CAMKMT: variants seen among roughly 807,000 people sequenced by gnomAD.
CAMKMT encodes the protein calmodulin-lysine N-methyltransferase, also known as CaM KMT.
Under a neutral mutation model 48.0 loss-of-function variants are expected in CAMKMT, and 53 were observed. The ratio of observed to expected loss-of-function variants is 1.10; its 90% confidence interval spans 0.89 to 1.39. CAMKMT has a LOEUF of 1.39. CAMKMT is among the 40% of genes most tolerant of loss of function. The pLI is 0.00. For missense variants in CAMKMT, 428 were observed against 402.7 expected, an observed-to-expected ratio of 1.06 and a Z score of -0.54; for synonymous variants, 165 against 152.3, an observed-to-expected ratio of 1.08 and a Z score of -0.61.
intron 7 of CAMKMT, among the ~76,000 whole-genome samples, chr2:44,739,283 G>C (rs1679532529): frequency 6.6e-6 from 1 of 152,154 alleles, no homozygotes; most frequent in African/African-American, 2.4e-5. Context: ...GTTTAGACTG[G>C]GGAGAGCAGT....
At chr2:44,422,857 G>C (rs1375738435) in intron 3 of CAMKMT, among the ~76,000 whole-genome samples, 1 of 152,100 alleles carries the variant, frequency 6.6e-6, no homozygotes. Flanking sequence ...TTTTGATGAA[G>C]AGATACATAG....
At chr2:44,746,109 C>A (rs571380412) in intron 8 of CAMKMT, among the ~76,000 whole-genome samples, 5 of 152,346 alleles carry the variant, frequency 3.3e-5, no homozygotes, top group African/African-American at 1.2e-4. Context: ...TTAAGTCTCA[C>A]ACCATCCTTT....
intron 3 of CAMKMT, among the ~76,000 whole-genome samples, chr2:44,410,261 T>A (rs866454685): frequency 0.08 from 1,118 of 13,964 alleles, 224 homozygotes; most frequent in South Asian, 0.22. Flanking sequence ...TTTTTTTTTT[T>A]TTTTTTTTTT....
intron 3 of CAMKMT, among the ~76,000 whole-genome samples, chr2:44,553,137 C>T (rs1325029007): frequency 2.0e-5 from 3 of 152,150 alleles, no homozygotes; most frequent in Admixed American, 2.0e-4. Flanking sequence ...ACATCTTCAG[C>T]AAGTAGTAGA....
At position 44,406,807 on chromosome 2, in the gene CAMKMT, C is replaced by A. The variant is rs867735179; in HGVS notation, c.376+16502C>A. ...AGGAACGAGGTTTCTCCATGTTGCC[C>A]AGCCAGGCTGGTCTAGAACTCCTGG... On this transcript the variant is annotated intron_variant, in intron 3 of 10. Transcript: ENST00000378494. Among the ~76,000 whole-genome samples the A allele has an allele frequency of 7.9e-5, 12 of 152,248 alleles. 1 individual carries two copies. In the Middle Eastern group the frequency reaches 0.01, roughly 129 times the overall value.
intron 2 of CAMKMT, among the ~76,000 whole-genome samples, chr2:44,379,480 A>C (rs1680026060): frequency 6.6e-6 from 1 of 152,196 alleles, no homozygotes; most frequent in Non-Finnish European, 1.5e-5. Context: ...TTTTTGAGGA[A>C]TAGCCAACTA....
At chr2:44,415,258 A>T (rs1279994979) in intron 3 of CAMKMT, among the ~76,000 whole-genome samples, 1 of 152,268 alleles carries the variant, frequency 6.6e-6, no homozygotes, top group African/African-American at 2.4e-5. Flanking sequence ...AAAAGATTTC[A>T]TCAAGTAGGT....
At chr2:44,362,736 C>G (rs1439812843) in intron 1 of CAMKMT, among the ~76,000 whole-genome samples, 2 of 152,166 alleles carry the variant, frequency 1.3e-5, no homozygotes, top group African/African-American at 4.8e-5. Context: ...TAGTGATCAG[C>G]GAGATTCTCC....
At chr2:44,451,207 T>C (rs1389605137) in intron 3 of CAMKMT, among the ~76,000 whole-genome samples, 2 of 152,100 alleles carry the variant, frequency 1.3e-5, no homozygotes, top group Non-Finnish European at 2.9e-5. Flanking sequence ...ACACATTTAG[T>C]TCCTAAAGAA....
At position 44,603,371 on chromosome 2, in the gene CAMKMT, A is replaced by G. The variant is rs907976339; in HGVS notation, c.377-100912A>G. Among the ~76,000 whole-genome samples the G allele has an allele frequency of 6.6e-5, 10 of 152,274 alleles. No individual in the cohort carries two copies. The East Asian group carries it at 1.7e-3, about 26-fold the overall frequency. On this transcript the variant is annotated intron_variant, in intron 3 of 10. Transcript: ENST00000378494. The stretch of plus-strand genomic sequence containing the variant: ...CTCCCAAAGTGCTGAGATTACAGGC[A>G]TGAGCCACCAACTGGACCCCCAACC...
chr2:44,380,742 T>C (rs543774214), intron 2 of CAMKMT, among the ~76,000 whole-genome samples: 1 of 152,362 alleles, frequency 6.6e-6, no homozygotes, highest in Admixed American at 6.5e-5. Context: ...TTTTAAACCC[T>C]GATAACTTCA....
chr2:44,651,769 A>C (rs1461349949), intron 3 of CAMKMT, among the ~76,000 whole-genome samples: 2 of 152,240 alleles, frequency 1.3e-5, no homozygotes, highest in African/African-American at 4.8e-5. Context: ...AATTTAAAAA[A>C]TATTTAAATG....
At chr2:44,432,723 A>T (rs111745944) in intron 3 of CAMKMT, among the ~76,000 whole-genome samples, 2 of 152,194 alleles carry the variant, frequency 1.3e-5, no homozygotes, top group African/African-American at 4.8e-5. Context: ...GTTGCCTTAA[A>T]TTTTAACATG....
At chr2:44,432,837 A>AC (rs1451975040) in intron 3 of CAMKMT, among the ~76,000 whole-genome samples, 1 of 152,134 alleles carries the variant, frequency 6.6e-6, no homozygotes, top group African/African-American at 2.4e-5. Context: ...AAAAAAAAAA[A>AC]AAACATATGC....
chr2:44,476,445 T>G (rs768242801), intron 3 of CAMKMT, among the ~76,000 whole-genome samples: 2 of 152,164 alleles, frequency 1.3e-5, no homozygotes, highest in Non-Finnish European at 2.9e-5. Flanking sequence ...TTCTAGCTCC[T>G]GAGTCCTTTT....
intron 3 of CAMKMT, among the ~76,000 whole-genome samples, chr2:44,546,154 G>C (rs1048459346): frequency 1.4e-4 from 18 of 129,080 alleles, no homozygotes; most frequent in Non-Finnish European, 2.6e-4. Context: ...AGACTGCTAG[G>C]ACACACACAC....
At chr2:44,576,172 C>T (rs952510366) in intron 3 of CAMKMT, among the ~76,000 whole-genome samples, 3 of 151,748 alleles carry the variant, frequency 2.0e-5, no homozygotes, top group African/African-American at 4.8e-5. Context: ...ATTAAAAATA[C>T]AATAAATTAG....
chr2:44,621,289 T>G (rs1415149617), intron 3 of CAMKMT, among the ~76,000 whole-genome samples: 1 of 118,004 alleles, frequency 8.5e-6, no homozygotes, highest in Admixed American at 8.5e-5. Context: ...AAAAAAAGCA[T>G]AAGAAAGCAC....
intron 3 of CAMKMT, among the ~76,000 whole-genome samples, chr2:44,606,769 A>G (rs1027588730): frequency 6.6e-6 from 1 of 152,040 alleles, no homozygotes; most frequent in Non-Finnish European, 1.5e-5. Flanking sequence ...GAGTTATTTT[A>G]TAAAAGTAGA....
Sources: allele counts gnomAD v4.1 joint callset (sites outside exome capture counted in the v4.1 genomes callset), GRCh38; gene constraint gnomAD v4.1.1; transcripts MANE v1.5; gene names NCBI Gene and HGNC (gene_info 2026-07-23, HGNC 2026-07-21).